INPP5D: variants seen among roughly 807,000 people sequenced by gnomAD.
INPP5D encodes the protein inositol polyphosphate-5-phosphatase D.
INPP5D carries 33 observed loss-of-function variants against 122.9 expected under a neutral mutation model. The ratio of observed to expected loss-of-function variants is 0.27; its 90% CI spans 0.20 to 0.36. INPP5D has a LOEUF of 0.36. Ranked by LOEUF, INPP5D falls within the 10% of genes least tolerant of loss-of-function variation. The probability of loss-of-function intolerance (pLI) is 1.00; values close to 1 mark genes in which losing one functional copy is unlikely to be tolerated. For synonymous variants in INPP5D, 584 were observed against 576.2 expected (o/e 1.01, Z -0.19); for missense variants, 1,053 against 1,412.7 (o/e 0.75, Z 4.08).
chr2:233,123,358 G>A (rs1362146907), intron 3 of INPP5D, among the ~76,000 whole-genome samples: 1 of 151,800 alleles, frequency 6.6e-6, no homozygotes, highest in Non-Finnish European at 1.5e-5. Context: ...GGAGGCTGAG[G>A]CAGAAGAATC....
chr2:233,174,082 T>C (rs770873189), intron 17 of INPP5D, among the ~76,000 whole-genome samples: 5 of 152,250 alleles, frequency 3.3e-5, no homozygotes, highest in Non-Finnish European at 7.3e-5. Flanking sequence ...ATGATGACAA[T>C]GTCTTCTTCT....
intron 9 of INPP5D, among the ~76,000 whole-genome samples, chr2:233,152,738 C>T (rs1245708092): frequency 3.3e-5 from 5 of 152,146 alleles, no homozygotes; most frequent in Non-Finnish European, 7.3e-5. Context: ...TGTGAGACGG[C>T]TGGGCGGCCA....
intron 9 of INPP5D, among the ~76,000 whole-genome samples, chr2:233,154,976 C>A (rs1416278757): frequency 6.6e-6 from 1 of 152,204 alleles, no homozygotes; most frequent in Non-Finnish European, 1.5e-5. Context: ...ATTAGTGAGA[C>A]CTGGCCTGCC....
intron 4 of INPP5D, among the ~76,000 whole-genome samples, chr2:233,126,919 TA>T (rs34152360): frequency 1.2e-3 from 178 of 146,922 alleles, no homozygotes; most frequent in Admixed American, 1.4e-3. Flanking sequence ...AAACTGCGTC[TA>T]AAAAAAAAAA....
In INPP5D at chr2:233,080,740, G is replaced by A. The variant is rs552814800; in HGVS notation, c.198+1342G>A. Among the ~76,000 whole-genome samples, 3 of 152,312 alleles carry A rather than the reference G, an allele frequency of 2.0e-5. No homozygotes were observed. In the South Asian group the frequency reaches 6.2e-4, roughly 32 times the overall value. On this transcript the variant is annotated intron_variant, in intron 2 of 26. Transcript: ENST00000445964. ...CAGGGAGCTGGACTCAAGGTGTGGGGAGACCACAGGCAAGTCCCTGGAGGC... is the reference window on the plus strand; with the variant it reads ...CAGGGAGCTGGACTCAAGGTGTGGGAAGACCACAGGCAAGTCCCTGGAGGC...
At chr2:233,063,964 G>A (rs1691143527) in intron 1 of INPP5D, among the ~76,000 whole-genome samples, 2 of 152,262 alleles carry the variant, frequency 1.3e-5, no homozygotes, top group South Asian at 2.1e-4. Flanking sequence ...TGCCACGCAG[G>A]GGCCAGCACA....
chr2:233,175,037 G>A (rs894911872), intron 17 of INPP5D, among the ~76,000 whole-genome samples: 4 of 151,532 alleles, frequency 2.6e-5, no homozygotes, highest in South Asian at 4.2e-4. Flanking sequence ...GACCAGTCTG[G>A]CCAACACCGC....
chr2:233,118,670 C>G (rs1014822268), intron 2 of INPP5D, among the ~76,000 whole-genome samples: 2 of 152,262 alleles, frequency 1.3e-5, no homozygotes, highest in African/African-American at 4.8e-5. Context: ...GGGCCCACTG[C>G]ACACAGCAGG....
At chr2:233,095,195 G>T (rs1473313585) in intron 2 of INPP5D, among the ~76,000 whole-genome samples, 1 of 152,194 alleles carries the variant, frequency 6.6e-6, no homozygotes. Context: ...GGGTGATATT[G>T]TTGTAGGATA....
chr2:233,077,686 A>AC (rs1691560106), intron 1 of INPP5D, among the ~76,000 whole-genome samples: 1 of 110,874 alleles, frequency 9.0e-6, no homozygotes, highest in African/African-American at 3.4e-5. Flanking sequence ...AAAAAAAAAA[A>AC]CTCTCTCTAC....
chr2:233,172,717 AT>A (rs1182368343), intron 17 of INPP5D, among the ~76,000 whole-genome samples: 1 of 152,228 alleles, frequency 6.6e-6, no homozygotes, highest in African/African-American at 2.4e-5. Context: ...GAAGCGTGTC[AT>A]TAGGTGACTT....
intron 1 of INPP5D, among the ~76,000 whole-genome samples, chr2:233,066,535 C>T (rs1446329824): frequency 6.6e-6 from 1 of 152,220 alleles, no homozygotes; most frequent in Non-Finnish European, 1.5e-5. Flanking sequence ...CCAAAGCCCA[C>T]TCGTTGGGTT....
chr2:233,113,480 A>G (rs1692689140), intron 2 of INPP5D, among the ~76,000 whole-genome samples: 1 of 152,146 alleles, frequency 6.6e-6, no homozygotes, highest in Non-Finnish European at 1.5e-5. Context: ...GCCACATTCA[A>G]TTATTGTTCT....
intron 1 of INPP5D, among the ~76,000 whole-genome samples, chr2:233,075,397 G>A (rs769487912): frequency 6.6e-6 from 1 of 152,206 alleles, no homozygotes; most frequent in African/African-American, 2.4e-5. Context: ...GGGACCCACT[G>A]CCCCTAAAGA....
At chr2:233,131,964 A>G (rs1403125290) in intron 5 of INPP5D, among the ~76,000 whole-genome samples, 7 of 152,246 alleles carry the variant, frequency 4.6e-5, no homozygotes, top group Non-Finnish European at 1.0e-4. Flanking sequence ...GGTAAATTTA[A>G]CAAATAATTT....
intron 17 of INPP5D, 77 bp downstream of exon 17, chr2:233,171,229 A>T: frequency 1.3e-6 from 2 of 1,550,216 alleles, no homozygotes; most frequent in Non-Finnish European, 1.7e-6. Flanking sequence ...GGTGAACAGA[A>T]AGTGTCTTCA....
chr2:233,203,422 C>T (rs778060332), intron 25 of INPP5D, among the ~76,000 whole-genome samples: 1 of 152,150 alleles, frequency 6.6e-6, no homozygotes, highest in Non-Finnish European at 1.5e-5. Context: ...TCCTCCAGTG[C>T]CATGCCCCTT....
At position 233,184,557 on chromosome 2, in the gene INPP5D, G is replaced by T. The variant is rs529586654; in HGVS notation, c.2275+36G>T. 88 of 1,611,328 alleles carry T rather than the reference G, an allele frequency of 5.5e-5. No homozygotes were observed. The Admixed American group carries it at 1.2e-3, about 22-fold the overall frequency. On this transcript the variant is annotated intron_variant, in intron 20 of 26. Transcript: ENST00000445964. Reference sequence around the variant, plus strand: ...GCTGAGCCACCTTCTGGGCAGAACTGCCCGGAGCCTTCTTATAAACACCTT... The same window carrying T: ...GCTGAGCCACCTTCTGGGCAGAACTTCCCGGAGCCTTCTTATAAACACCTT...
intron 24 of INPP5D, among the ~76,000 whole-genome samples, chr2:233,196,665 C>T (rs549174253): frequency 9.2e-5 from 14 of 152,298 alleles, no homozygotes; most frequent in East Asian, 3.9e-4. Context: ...AGAATACAGA[C>T]GTCCTTGGTA....
Sources: allele counts gnomAD v4.1 joint callset (sites outside exome capture counted in the v4.1 genomes callset), GRCh38; gene constraint gnomAD v4.1.1; transcripts MANE v1.5; gene names NCBI Gene and HGNC (gene_info 2026-07-23, HGNC 2026-07-21).